DNAH14: variants seen among roughly 807,000 people sequenced by gnomAD.
DNAH14 encodes axonemal beta dynein heavy chain 14.
A neutral mutation model predicts 520.9 loss-of-function variants in DNAH14; 478 were observed. The ratio of observed to expected loss-of-function variants is 0.92; its 90% CI spans 0.85 to 0.99. DNAH14 has a LOEUF of 0.99. Ranked by LOEUF, DNAH14 falls within the 50% of genes least tolerant of loss-of-function variation. The probability of loss-of-function intolerance (pLI) is 0.00; values close to 1 mark genes in which losing one functional copy is unlikely to be tolerated. For synonymous variants in DNAH14, 1,581 were observed against 1,757.2 expected (o/e 0.90, Z 2.51); for missense variants, 4,831 against 5,234.5 (o/e 0.92, Z 2.38).
Position 225,208,138 on chromosome 1 carries a change from A to T in DNAH14, c.6439+918A>T, listed in dbSNP as rs1330595414. Among the ~76,000 whole-genome samples the T allele has an allele frequency of 2.0e-5, 3 of 152,174 alleles. No homozygotes were observed. The South Asian group carries it at 6.2e-4, about 32-fold the overall frequency. On this transcript the variant is annotated intron_variant, in intron 41 of 85. Transcript: ENST00000682510. ...TAGAACAGTGCCAGAGTGGATACAGATTGTTAACACACAAGTGACCTGCTT... is the reference window on the plus strand; with the variant it reads ...TAGAACAGTGCCAGAGTGGATACAGTTTGTTAACACACAAGTGACCTGCTT...
At chr1:225,181,302 C>A (rs868619567) in intron 36 of DNAH14, among the ~76,000 whole-genome samples, 1 of 152,070 alleles carries the variant, frequency 6.6e-6, no homozygotes, top group Non-Finnish European at 1.5e-5. Context: ...AATGTAGATA[C>A]CTTTTTGGTA....
chr1:225,312,301 C>T (rs574969002), intron 60 of DNAH14, among the ~76,000 whole-genome samples: 1 of 152,156 alleles, frequency 6.6e-6, no homozygotes, highest in East Asian at 1.9e-4. Context: ...GATTTTGTAT[C>T]CTGAGACTGC....
chr1:225,332,801 C>T (rs1318531873), intron 65 of DNAH14, among the ~76,000 whole-genome samples: 3 of 147,216 alleles, frequency 2.0e-5, no homozygotes, highest in African/African-American at 7.6e-5. Context: ...TTAAGACCAA[C>T]CGGGCAATGT....
At chr1:225,380,088 C>T (rs934493567) in intron 79 of DNAH14, 71 bp from the exon 80 acceptor site, 3 of 1,465,728 alleles carry the variant, frequency 2.0e-6, no homozygotes, top group African/African-American at 1.4e-5. Flanking sequence ...ATCTTGAATC[C>T]TTTAACAAAT....
At chr1:225,177,538 G>A (rs996473263) in intron 36 of DNAH14, among the ~76,000 whole-genome samples, 5 of 152,166 alleles carry the variant, frequency 3.3e-5, no homozygotes, top group Admixed American at 6.5e-5. Context: ...CAGGCCTGGA[G>A]GCCTAGGAAG....
At chr1:225,393,975 C>T (rs1367194136) in intron 84 of DNAH14, among the ~76,000 whole-genome samples, 1 of 151,934 alleles carries the variant, frequency 6.6e-6, no homozygotes, top group African/African-American at 2.4e-5. Flanking sequence ...CCCACCACCA[C>T]ACCCGGCTAA....
chr1:225,262,556 T>C lies in DNAH14; in HGVS notation c.7158-1641T>C, dbSNP rs1226573767. Reference sequence around the variant, plus strand: ...ATAAGAATCCAGTTTCATTCTTCTATATGATGTGGCTATCCAATTTTCCCA... The same window carrying C: ...ATAAGAATCCAGTTTCATTCTTCTACATGATGTGGCTATCCAATTTTCCCA... On this transcript the variant is annotated intron_variant, in intron 46 of 85. Transcript: ENST00000682510. Among the ~76,000 whole-genome samples the C allele has an allele frequency of 2.0e-5, 3 of 151,982 alleles. No homozygotes were observed. In the South Asian group the frequency reaches 6.2e-4, roughly 31 times the overall value.
At chr1:225,103,249 A>C (rs2075684905) in intron 23 of DNAH14, among the ~76,000 whole-genome samples, 1 of 152,182 alleles carries the variant, frequency 6.6e-6, no homozygotes, top group South Asian at 2.1e-4. Flanking sequence ...ATTGATCTAT[A>C]TCTCTGTTTT....
chr1:225,218,554 A>G (rs976270769), intron 41 of DNAH14, among the ~76,000 whole-genome samples: 9 of 152,222 alleles, frequency 5.9e-5, no homozygotes, highest in Admixed American at 2.0e-4. Flanking sequence ...AAAGCTCCAA[A>G]GAGACAAAGA....
chr1:224,955,535 CCTT>C (rs991906830), intron 3 of DNAH14, among the ~76,000 whole-genome samples: 1 of 151,972 alleles, frequency 6.6e-6, no homozygotes, highest in Non-Finnish European at 1.5e-5. Flanking sequence ...AGTCTTTTTT[CCTT>C]CTTCACTCAA....
chr1:225,232,163 G>C lies in DNAH14; in HGVS notation c.6518+1012G>C, dbSNP rs907551194. On this transcript the variant is annotated intron_variant, in intron 42 of 85. Transcript: ENST00000682510. This position sits in a 1 kb window ranked among gnomAD's most constrained non-coding sequence, Gnocchi z 4.2. ...CATCCTGTATGATCTTCTGCCACTT[G>C]CATCTTTTGTTCAACATTACATGTT... Among the ~76,000 whole-genome samples, 1 of 151,844 alleles carries C rather than the reference G, an allele frequency of 6.6e-6. No homozygotes were observed. Among genetic ancestry groups the C allele is most frequent in the East Asian group, 1.9e-4 (1 of 5,190 alleles).
intron 60 of DNAH14, among the ~76,000 whole-genome samples, chr1:225,318,368 C>G (rs1407924098): frequency 6.6e-6 from 1 of 152,120 alleles, no homozygotes. Flanking sequence ...CCATGTATAC[C>G]TTCTCATCAA....
chr1:224,986,313 C>A (rs1395741651), intron 8 of DNAH14, among the ~76,000 whole-genome samples: 1 of 120,754 alleles, frequency 8.3e-6, no homozygotes. Context: ...CAGACAAAGG[C>A]TTATTAAAAA....
chr1:225,220,870 A>G (rs1302752908), intron 41 of DNAH14, among the ~76,000 whole-genome samples: 2 of 152,206 alleles, frequency 1.3e-5, no homozygotes, highest in Non-Finnish European at 2.9e-5. Flanking sequence ...AAAAGAGCAA[A>G]GCTGGAGGCA....
intron 42 of DNAH14, among the ~76,000 whole-genome samples, chr1:225,238,016 AT>A (rs1211696741): frequency 2.6e-5 from 4 of 152,178 alleles, no homozygotes; most frequent in East Asian, 3.9e-4. Context: ...CAGCTCCTGT[AT>A]TTTTTTGTAT....
intron 81 of DNAH14, among the ~76,000 whole-genome samples, chr1:225,384,994 A>C (rs1215297843): frequency 3.9e-5 from 6 of 152,342 alleles, no homozygotes; most frequent in Non-Finnish European, 8.8e-5. Context: ...ATACTGGCAA[A>C]CCGAATCCAG....
In DNAH14 at chr1:225,333,431, G is replaced by A; in HGVS notation, c.10005G>A (p.Glu3335=). 1 of 1,551,426 alleles carries A rather than the reference G, an allele frequency of 6.4e-7. No homozygotes were observed. Among genetic ancestry groups the A allele is most frequent in the Non-Finnish European group, 8.7e-7 (1 of 1,146,844 alleles). ...GCCAGTTGATTGTGAATAAATGGGAGACATTCTGCATTGAAAATGGCATTT... is the reference window on the plus strand; with the variant it reads ...GCCAGTTGATTGTGAATAAATGGGAAACATTCTGCATTGAAAATGGCATTT... ...EFRQLIVNKW[E]TFCIENGISL... Residue 3335 remains glutamate, a synonymous_variant, in exon 66 of 86, where the codon GAG becomes GAA. Coordinates refer to ENST00000682510, the MANE Select transcript of DNAH14 (RefSeq NM_001367479.1).
chr1:225,288,497 A>G (rs1449959260), intron 54 of DNAH14, among the ~76,000 whole-genome samples: 1 of 152,170 alleles, frequency 6.6e-6, no homozygotes, highest in African/African-American at 2.4e-5. Flanking sequence ...TAATATATCA[A>G]TTTTGGTTCA....
intron 8 of DNAH14, among the ~76,000 whole-genome samples, chr1:224,980,481 C>G (rs2062184208): frequency 6.6e-6 from 1 of 152,118 alleles, no homozygotes; most frequent in Non-Finnish European, 1.5e-5. Flanking sequence ...AGTGTCACAT[C>G]AATTTCTAAG....
Sources: gnomAD v4.1 joint callset for allele counts (sites outside exome capture counted in the v4.1 genomes callset) on GRCh38, gnomAD v4.1.1 for gene constraint, Gnocchi (gnomAD v3.1) non-coding constraint, MANE v1.5 for transcripts, NCBI Gene and HGNC (gene_info 2026-07-23, HGNC 2026-07-21) for gene names.